The following CDC42SE2 variants were observed in gnomAD, a reference collection of about 807,000 sequenced individuals.
CDC42SE2 encodes the protein CDC42 small effector protein 2.
A neutral mutation model predicts 11.5 loss-of-function variants in CDC42SE2; 3 were observed. The ratio of observed to expected loss-of-function variants is 0.26; its 90% confidence interval spans 0.12 to 0.67. CDC42SE2 has a LOEUF of 0.67. Ranked by LOEUF, CDC42SE2 falls within the 30% of genes least tolerant of loss-of-function variation. The pLI, the probability that CDC42SE2 is intolerant of heterozygous loss-of-function variation, is 0.80. For missense variants in CDC42SE2, 82 were observed against 106.8 expected, an observed-to-expected ratio of 0.77 and a Z score of 1.02; for synonymous variants, 33 against 34.8, an observed-to-expected ratio of 0.95 and a Z score of 0.18.
At chr5:131,323,547 GTTTTTTTTTT>G (rs1171213231) in intron 2 of CDC42SE2, among the ~76,000 whole-genome samples, 25 of 82,546 alleles carry the variant, frequency 3.0e-4, no homozygotes, top group African/African-American at 1.2e-3. Context: ...TCTCTCTCTG[GTTTTTTTTTT>G]TTTTTTTTTT....
intron 1 of CDC42SE2, among the ~76,000 whole-genome samples, chr5:131,304,119 C>G (rs1757736037): frequency 6.6e-6 from 1 of 151,882 alleles, no homozygotes; most frequent in Non-Finnish European, 1.5e-5. Context: ...ACCACCATGC[C>G]AGGCTAATTT....
intron 3 of CDC42SE2, among the ~76,000 whole-genome samples, chr5:131,368,019 C>T (rs538614655): frequency 1.3e-5 from 2 of 152,014 alleles, no homozygotes; most frequent in East Asian, 1.9e-4. Flanking sequence ...TTTGGGAGGC[C>T]GAGGAGGGTT....
At chr5:131,334,278 A>G (rs1453014617) in intron 2 of CDC42SE2, among the ~76,000 whole-genome samples, 1 of 152,076 alleles carries the variant, frequency 6.6e-6, no homozygotes, top group Non-Finnish European at 1.5e-5. Context: ...ATTGATTTGC[A>G]TATGTTGAAC....
At chr5:131,332,484 G>T (rs1316301733) in intron 2 of CDC42SE2, among the ~76,000 whole-genome samples, 1 of 152,112 alleles carries the variant, frequency 6.6e-6, no homozygotes, top group Non-Finnish European at 1.5e-5. Flanking sequence ...TATATACCCA[G>T]TAATGGGATG....
chr5:131,325,660 A>G (rs1408179579), intron 2 of CDC42SE2, among the ~76,000 whole-genome samples: 4 of 152,118 alleles, frequency 2.6e-5, no homozygotes, highest in Non-Finnish European at 5.9e-5. Flanking sequence ...ACTCTTAAAT[A>G]TCATGTTCAT....
At chr5:131,267,268 A>G (rs1756889064) in intron 1 of CDC42SE2, among the ~76,000 whole-genome samples, 1 of 151,784 alleles carries the variant, frequency 6.6e-6, no homozygotes, top group African/African-American at 2.4e-5. Flanking sequence ...TTGGCCATCC[A>G]TGATGGTCTC....
At chr5:131,239,090 A>C in the CDC42SE2 span, among the ~76,000 whole-genome samples, 5 of 151,910 alleles carry the variant, frequency 3.3e-5, no homozygotes, top group African/African-American at 1.2e-4. Flanking sequence ...CAGGAGACAG[A>C]CGGAGGTTGA....
intron 1 of CDC42SE2, among the ~76,000 whole-genome samples, chr5:131,264,946 GT>G (rs969253835): frequency 2.6e-5 from 4 of 152,210 alleles, no homozygotes; most frequent in Non-Finnish European, 4.4e-5. Flanking sequence ...GTGATGTGCA[GT>G]TTACAAAATC....
chr5:131,240,837 A>C (rs923091898), upstream of CDC42SE2, among the ~76,000 whole-genome samples: 1 of 152,230 alleles, frequency 6.6e-6, no homozygotes, highest in Non-Finnish European at 1.5e-5. Context: ...TATATGCCAT[A>C]ATCTAATTCA....
intron 1 of CDC42SE2, among the ~76,000 whole-genome samples, chr5:131,294,717 C>T (rs557842951): frequency 3.9e-5 from 6 of 152,270 alleles, no homozygotes; most frequent in East Asian, 3.9e-4. Context: ...CATGGCCGGG[C>T]GTGGTGGCTC....
chr5:131,327,566 A>C (rs1758323738), intron 2 of CDC42SE2, among the ~76,000 whole-genome samples: 1 of 152,124 alleles, frequency 6.6e-6, no homozygotes, highest in South Asian at 2.1e-4. Context: ...TTGGATGTAA[A>C]ATTCTAAGTT....
chr5:131,238,140 G>C, the CDC42SE2 span, among the ~76,000 whole-genome samples: 51 of 138,728 alleles, frequency 3.7e-4, no homozygotes, highest in Admixed American at 1.1e-3. Context: ...ATAAATTCTC[G>C]GGGGTGAGGG....
intron 2 of CDC42SE2, among the ~76,000 whole-genome samples, chr5:131,356,128 C>G (rs749866662): frequency 6.6e-6 from 1 of 152,178 alleles, no homozygotes; most frequent in Admixed American, 6.5e-5. Flanking sequence ...TTAAAATACT[C>G]TCTTGTGCTG....
the CDC42SE2 span, among the ~76,000 whole-genome samples, chr5:131,235,577 T>A: frequency 2.5e-4 from 37 of 149,436 alleles, no homozygotes; most frequent in Non-Finnish European, 4.6e-4. Flanking sequence ...TGTGAGCCAC[T>A]GTGCCTGGCC....
At chr5:131,281,048 T>C (rs915432264) in intron 1 of CDC42SE2, among the ~76,000 whole-genome samples, 1 of 152,176 alleles carries the variant, frequency 6.6e-6, no homozygotes, top group African/African-American at 2.4e-5. Context: ...TGTCAAGTGG[T>C]TGTTTGGGTC....
chr5:131,309,445 A>G (rs1019653039), intron 1 of CDC42SE2, among the ~76,000 whole-genome samples: 6 of 152,150 alleles, frequency 3.9e-5, no homozygotes, highest in African/African-American at 1.4e-4. Flanking sequence ...TGGTATCAGA[A>G]TGATGCTGGC....
chr5:131,298,564 C>A (rs1211674469), intron 1 of CDC42SE2, among the ~76,000 whole-genome samples: 1 of 151,772 alleles, frequency 6.6e-6, no homozygotes, highest in Non-Finnish European at 1.5e-5. Flanking sequence ...GAATTCACCA[C>A]TTTCTAGGCA....
chr5:131,316,315 G>A (rs890955734), intron 2 of CDC42SE2, among the ~76,000 whole-genome samples, 171 bp downstream of exon 2: 1 of 152,210 alleles, frequency 6.6e-6, no homozygotes, highest in African/African-American at 2.4e-5. Context: ...TTTAATGTCT[G>A]ATTTCAGAGT....
intron 1 of CDC42SE2, among the ~76,000 whole-genome samples, chr5:131,309,544 T>A (rs1177657704): frequency 6.6e-6 from 1 of 151,326 alleles, no homozygotes; most frequent in African/African-American, 2.4e-5. Flanking sequence ...CTTGTACCTC[T>A]GGTAGAATTC....
Sources: allele counts gnomAD v4.1 joint callset (sites outside exome capture counted in the v4.1 genomes callset), GRCh38; gene constraint gnomAD v4.1.1; transcripts MANE v1.5; gene names NCBI Gene and HGNC (gene_info 2026-07-23, HGNC 2026-07-21).